The following DMTN variants were observed in gnomAD, a reference collection of about 807,000 sequenced individuals.
DMTN encodes dematin actin binding protein.
DMTN carries 27 observed loss-of-function variants against 59.4 expected under a neutral mutation model. That is an observed-to-expected ratio of 0.45 (90% CI 0.33 to 0.63). DMTN has a LOEUF of 0.63. Ranked by LOEUF, DMTN falls within the 20% of genes least tolerant of loss-of-function variation. The probability of loss-of-function intolerance (pLI) is 0.02; values close to 1 mark genes in which losing one functional copy is unlikely to be tolerated. For missense variants in DMTN, 451 were observed against 528.9 expected (o/e 0.85, Z 1.45); for synonymous variants, 221 against 203.7 (o/e 1.08, Z -0.72).
Position 22,079,271 on chromosome 8 carries a change from TAA to T in DMTN, c.836-907_836-906del, listed in dbSNP as rs1491239153. On this transcript the variant is annotated intron_variant, in intron 10 of 15. Transcript: ENST00000358242. ...CAAAAAATAAAAATAAATAAATAAA[TAA>T]ATAAATATATATATATATATATATA... 7.9e-3 allele frequency among the ~76,000 whole-genome samples: 355 copies of T among 44,920 alleles called. 4 individuals are homozygous for T. Among genetic ancestry groups the T allele is most frequent in the African/African-American group, 0.023 (296 of 12,922 alleles). 29.5% of individuals were successfully genotyped at this position (44,920 alleles called of 152,430 possible). A position where few individuals can be genotyped will look rare whatever the true frequency, so the allele number is the denominator to read the frequency against.
rs1382546271 is a variant in DMTN, at chr8:22,082,307, T to C, written c.*844T>C. 1 of 449,772 alleles carries C rather than the reference T, an allele frequency of 2.2e-6. No homozygotes were observed. The highest frequency in any genetic ancestry group is 4.5e-6 in the Non-Finnish European group (1 of 222,524). 27.9% of individuals were successfully genotyped at this position (449,772 alleles called of 1,614,324 possible). ...ATGCTCTCTCAAGAATGTAATTTAT[T>C]GGGGCCCCCCCAGCTGCTTTCCTCA... On this transcript the variant is annotated 3_prime_UTR_variant, in exon 16 of 16. Transcript: ENST00000358242.
chr8:22,078,553 G>T (rs1467145123), intron 10 of DMTN, among the ~76,000 whole-genome samples: 1 of 151,512 alleles, frequency 6.6e-6, no homozygotes, highest in Non-Finnish European at 1.5e-5. Flanking sequence ...GCAATTGGAG[G>T]TGAAGGCATT....
chr8:22,066,979 C>T, intron 2 of DMTN, 86 bp downstream of exon 2: 2 of 1,232,182 alleles, frequency 1.6e-6, no homozygotes, highest in East Asian at 3.4e-5. Context: ...GGCCACCCGC[C>T]GCGCAGCGCC....
At position 22,066,774 on chromosome 8, in the gene DMTN, C is replaced by T. The variant is rs1332570735; in HGVS notation, c.-102C>T. 1.5e-6 allele frequency: 2 copies of T among 1,305,276 alleles called. No individual in the cohort carries two copies. The highest frequency in any genetic ancestry group is 1.6e-5 in the South Asian group (1 of 62,300). The allele number at this position is 1,305,276 out of a possible 1,614,324, so 80.9% of individuals were successfully genotyped here. On this transcript the variant is annotated 5_prime_UTR_variant, in exon 2 of 16. Transcript: ENST00000358242. ...GAACGCGCCAGCTGCTTTCGCGGCC[C>T]CAAGCGCGCAGCGCCCAGCAGCCGC...
Position 22,072,337 on chromosome 8 carries a change from A to T in DMTN, c.616A>T (p.Arg206Trp), listed in dbSNP as rs1468975754. 6.2e-7 allele frequency: 1 copy of T among 1,601,280 alleles called. No individual in the cohort carries two copies. Among genetic ancestry groups the T allele is most frequent in the African/African-American group, 1.3e-5 (1 of 74,654 alleles). The change falls in exon 9 of 16, where the codon AGG becomes TGG. Residue 206 changes from arginine (R) to tryptophan (W), a missense_variant. By Grantham distance (101) the Arg-to-Trp change is moderately radical. Transcript: ENST00000358242. ...CTTGTGTCTCCTAGAGACAGAATGGAGGAAGCGGAAGGCGTCTCGGAGGGG... is the reference window on the plus strand; with the variant it reads ...CTTGTGTCTCCTAGAGACAGAATGGTGGAAGCGGAAGGCGTCTCGGAGGGG... ...PSLAVVETEW[R>W]KRKASRRGAE...
rs1804330806 is a variant in DMTN, at chr8:22,058,971, C to CA, written c.-172+1836dup. 6.6e-6 allele frequency among the ~76,000 whole-genome samples: 1 copy of CA among 152,186 alleles called. No homozygotes were observed. The highest frequency in any genetic ancestry group is 1.5e-5 in the Non-Finnish European group (1 of 68,022). On this transcript the variant is annotated intron_variant, in intron 1 of 15. Transcript: ENST00000358242. This position sits in a 1 kb window ranked among gnomAD's most constrained non-coding sequence, Gnocchi z 4.3. ...CTACCCCACCCACATCACACGCATG[C>CA]ACAGCACCCATGGGAGCGCCTGGCC...
At chr8:22,073,199 G>A (rs1254300693) in intron 9 of DMTN, among the ~76,000 whole-genome samples, 1 of 152,190 alleles carries the variant, frequency 6.6e-6, no homozygotes, top group African/African-American at 2.4e-5. Context: ...TTTCAAGGGT[G>A]GCCAAACCCA....
rs1163695048 is a variant in DMTN, at chr8:22,067,626, G to A, written c.193G>A (p.Glu65Lys). 2.5e-6 allele frequency: 4 copies of A among 1,614,080 alleles called. No individual in the cohort carries two copies. Among genetic ancestry groups the A allele is most frequent in the South Asian group, 1.1e-5 (1 of 91,076 alleles). The change falls in exon 4 of 16, where the codon GAG becomes AAG. Residue 65 changes from glutamate to lysine, a missense_variant. By Grantham distance (56) the Glu-to-Lys change is moderately conservative. Coordinates refer to ENST00000358242, the MANE Select transcript of DMTN (RefSeq NM_001387751.1). ...DIERPDLMIY[E>K]PHFTYSLLEH... Reference sequence around the variant, plus strand: ...CGAGCGGCCCGACCTCATGATCTACGAGCCTCACTTCACTTATTCCCTCCT... The same window carrying A: ...CGAGCGGCCCGACCTCATGATCTACAAGCCTCACTTCACTTATTCCCTCCT...
At chr8:22,067,779 T>C (rs1811991469) in intron 4 of DMTN, 97 bp downstream of exon 4, 1 of 1,439,482 alleles carries the variant, frequency 6.9e-7, no homozygotes. Context: ...CCTGGAGGTC[T>C]GCCTCGGCAA....
chr8:22,067,059 C>T, intron 2 of DMTN, 26 bp from the exon 3 acceptor site: 2 of 1,582,398 alleles, frequency 1.3e-6, no homozygotes, highest in East Asian at 2.5e-5. Context: ...CACGTGCCCA[C>T]CCGCCCGCCT....
At chr8:22,053,277 C>T (rs567735154), upstream of DMTN, among the ~76,000 whole-genome samples, 1 of 152,222 alleles carries the variant, frequency 6.6e-6, no homozygotes, top group South Asian at 2.1e-4. Context: ...GGGCCAGATG[C>T]AGTGGTCTGG....
At chr8:22,071,288 G>A (rs940444874) in intron 8 of DMTN, among the ~76,000 whole-genome samples, 1 of 148,308 alleles carries the variant, frequency 6.7e-6, no homozygotes, top group African/African-American at 2.5e-5. Flanking sequence ...AGTAGATATG[G>A]GTTTTCATTA....
chr8:22,054,103 T>TACACACACACACACACACACACAG (rs71916677), upstream of DMTN, among the ~76,000 whole-genome samples: 24 of 148,430 alleles, frequency 1.6e-4, no homozygotes, highest in African/African-American at 3.5e-4. Flanking sequence ...CCACCACCAA[T>TACACACACACACACACACACACAG]ACACACACAC....
At chr8:22,054,103 T>TACAC (rs71916677), upstream of DMTN, among the ~76,000 whole-genome samples, 14 of 148,430 alleles carry the variant, frequency 9.4e-5, no homozygotes, top group Non-Finnish European at 1.2e-4. Flanking sequence ...CCACCACCAA[T>TACAC]ACACACACAC....
chr8:22,062,929 C>T (rs1165501175), intron 1 of DMTN, among the ~76,000 whole-genome samples: 1 of 150,430 alleles, frequency 6.6e-6, no homozygotes, highest in Admixed American at 6.6e-5. Flanking sequence ...TCTAGTTTTC[C>T]TCTCTCTGAC....
intron 1 of DMTN, among the ~76,000 whole-genome samples, chr8:22,066,345 G>T (rs1331233666): frequency 1.3e-5 from 2 of 151,998 alleles, no homozygotes; most frequent in African/African-American, 4.8e-5. Flanking sequence ...GCGGGGAGGT[G>T]GCGGCGGGGA....
intron 10 of DMTN, among the ~76,000 whole-genome samples, chr8:22,075,805 C>T (rs891289175): frequency 1.3e-5 from 2 of 152,160 alleles, no homozygotes; most frequent in East Asian, 1.9e-4. Context: ...AGGCGTGAGC[C>T]GCTGCGCCCA....
rs1811339568 is a variant in DMTN, at chr8:22,067,099, C to T, written c.33C>T (p.Ser11=). ...GCTCTCCCCAGCAACCACTTACCTC[C>T]CCCGGGAGCGTGAGCCCCTCCCGAG... is the stretch of plus-strand genomic sequence containing the variant. MERLQKQPLT[S]PGSVSPSRDS... The change falls in exon 3 of 16, where the codon TCC becomes TCT. Residue 11 remains serine, a synonymous_variant. Transcript: ENST00000358242. 1 of 1,606,924 alleles carries T rather than the reference C, an allele frequency of 6.2e-7. No individual in the cohort carries two copies. Among genetic ancestry groups the T allele is most frequent in the South Asian group, 1.1e-5 (1 of 90,604 alleles).
chr8:22,054,219 C>T (rs1211979965), upstream of DMTN, among the ~76,000 whole-genome samples: 1 of 152,186 alleles, frequency 6.6e-6, no homozygotes, highest in African/African-American at 2.4e-5. Flanking sequence ...CTGCAGTCCC[C>T]TTGGGTCCAG....
Sources: allele counts gnomAD v4.1 joint callset (sites outside exome capture counted in the v4.1 genomes callset), GRCh38; gene constraint gnomAD v4.1.1; non-coding constraint Gnocchi (gnomAD v3.1); transcripts MANE v1.5; gene names NCBI Gene and HGNC (gene_info 2026-07-23, HGNC 2026-07-21).